MAP2K7: variants seen among roughly 807,000 people sequenced by gnomAD.
MAP2K7 encodes the protein dual specificity mitogen-activated protein kinase kinase 7.
MAP2K7 carries 12 observed loss-of-function variants against 47.7 expected under a neutral mutation model. That is an observed-to-expected ratio of 0.25 (90% CI 0.16 to 0.41). The LOEUF (loss-of-function observed/expected upper bound fraction) is 0.41, where lower values mean the gene tolerates loss of function less well. Among genes scored for constraint, MAP2K7 ranks in the 10% least tolerant of loss-of-function variants. The pLI is 1.00. For missense variants in MAP2K7, 415 were observed against 600.3 expected (o/e 0.69, Z 3.23); for synonymous variants, 299 against 243.0 (o/e 1.23, Z -2.14).
At chr19:7,907,719 T>C (rs1982557527) in intron 1 of MAP2K7, among the ~76,000 whole-genome samples, 1 of 152,164 alleles carries the variant, frequency 6.6e-6, no homozygotes, top group South Asian at 2.1e-4. Flanking sequence ...CCTGGTGGGC[T>C]CTGTCAGGGA....
rs1257090836 is a variant in MAP2K7 at position 7,910,663 on chromosome 19, A to G, written c.568-33A>G. The stretch of plus-strand genomic sequence containing the variant: ...GAGCCTCTGGGGGGTGGGCCGGAAG[A>G]CACAGCTCCCCCGGGTGCCCCTCTC... On this transcript the variant is annotated intron_variant, in intron 5 of 10. Transcript: ENST00000397979. 5.0e-6 allele frequency: 8 copies of G among 1,606,960 alleles called. No homozygotes were observed. In the South Asian group the frequency reaches 7.7e-5, roughly 15 times the overall value.
intron 1 of MAP2K7, among the ~76,000 whole-genome samples, chr19:7,908,978 T>G (rs1982636774): frequency 6.7e-6 from 1 of 148,688 alleles, no homozygotes; most frequent in African/African-American, 2.5e-5. Context: ...CGCTGTAGCA[T>G]GCCCGAGCTG....
intron 1 of MAP2K7, among the ~76,000 whole-genome samples, chr19:7,908,179 A>C (rs79636781): frequency 6.6e-6 from 1 of 151,290 alleles, no homozygotes; most frequent in African/African-American, 2.4e-5. Flanking sequence ...AAAAAAAAAA[A>C]CAGTGGGAGG....
Position 7,903,994 on chromosome 19 carries a change from T to C in MAP2K7, c.50T>C (p.Leu17Pro). The C allele has an allele frequency of 6.5e-7, 1 of 1,549,450 alleles. No homozygotes were observed. Among genetic ancestry groups the C allele is most frequent in the Non-Finnish European group, 8.7e-7 (1 of 1,148,038 alleles). ...AAGCTGTCCCGCCTGGAAGCAAAGC[T>C]GAAGCAGGAGAACCGGGAGGCCCGG... ...EQKLSRLEAK[L>P]KQENREARRR... The change falls in exon 1 of 11, where the codon CTG (leucine) becomes CCG (proline). Residue 17 changes from leucine to proline, a missense_variant. Transcript: ENST00000397979.
Position 7,910,578 on chromosome 19 carries a change from T to C in MAP2K7, c.567+6T>C, listed in dbSNP as rs766281969. ...TTGGGACGTTCATCACCAACGTGAG[T>C]ACCTGGCCGCGCCCTGCAGCGTCTC... is the stretch of plus-strand genomic sequence containing the variant. On this transcript the variant is annotated splice_donor_region_variant and intron_variant, in intron 5 of 10. Coordinates refer to ENST00000397979, the MANE Select transcript of MAP2K7 (RefSeq NM_145185.4). 1 of 1,613,512 alleles carries C rather than the reference T, an allele frequency of 6.2e-7. No individual in the cohort carries two copies. Among genetic ancestry groups the C allele is most frequent in the Non-Finnish European group, 8.5e-7 (1 of 1,179,960 alleles).
At position 7,912,390 on chromosome 19, in the gene MAP2K7, A is replaced by G; in HGVS notation, c.1219A>G (p.Ser407Gly). 6.2e-7 allele frequency: 1 copy of G among 1,612,870 alleles called. No individual in the cohort carries two copies. The highest frequency in any genetic ancestry group is 8.5e-7 in the Non-Finnish European group (1 of 1,179,960). ...GGCGAAGACTGAGTCACCGCGGACT[A>G]GCGGCGTCCTGAGCCAGCCCCACCT... Reference protein sequence around the residue: ...VMAKTESPRTSGVLSQPHLPF... With the variant: ...VMAKTESPRTGGVLSQPHLPF... The change falls in exon 11 of 11, where the codon AGC becomes GGC. Residue 407 changes from serine to glycine, a missense_variant. Transcript: ENST00000397979.
At position 7,910,293 on chromosome 19, in the gene MAP2K7, T is replaced by A. The variant is rs372177955; in HGVS notation, c.367T>A (p.Leu123Met). ...GGCAGAAATCAACGACCTGGAGAAC[T>A]TGGGCGAGATGGGCAGCGGCACCTG... ...YQAEINDLEN[L>M]GEMGSGTCGQ... is the part of the protein sequence containing the mutation. Residue 123 changes from leucine (L) to methionine (M), a missense_variant, in exon 4 of 11, where the codon TTG becomes ATG. Physicochemically the swap from Leu to Met is conservative, Grantham distance 15 (BLOSUM62 2). Transcript: ENST00000397979. The A allele has an allele frequency of 9.9e-6, 16 of 1,613,220 alleles. No homozygotes were observed. The African/African-American group carries it at 1.9e-4, about 19-fold the overall frequency.
intron 10 of MAP2K7, 41 bp from the exon 11 acceptor site, chr19:7,912,256 A>G (rs1490210771): frequency 6.2e-7 from 1 of 1,613,498 alleles, no homozygotes; most frequent in Non-Finnish European, 8.5e-7. Flanking sequence ...GCCAGGAGGG[A>G]AGACCGTCTC....
chr19:7,911,226 C>T lies in MAP2K7; in HGVS notation c.856-24C>T, dbSNP rs533685755. 36 of 1,594,698 alleles carry T rather than the reference C, an allele frequency of 2.3e-5. No individual in the cohort carries two copies. In the Admixed American group the frequency reaches 3.2e-4, roughly 14 times the overall value. ...GAGGCCGGCCCCAGCCTTGGAGATA[C>T]GTCTTCTCCTCCCCCCCCTGCAGCC... On this transcript the variant is annotated intron_variant, in intron 7 of 10. Coordinates refer to ENST00000397979, the MANE Select transcript of MAP2K7 (RefSeq NM_145185.4).
In MAP2K7 at chr19:7,910,813, C is replaced by T. The variant is rs773375346; in HGVS notation, c.675+10C>T. On this transcript the variant is annotated intron_variant, in intron 6 of 10. Coordinates refer to ENST00000397979, the MANE Select transcript of MAP2K7 (RefSeq NM_145185.4). ...CAAGATGACAGTGGCGGTGAGTGAC[C>T]AGGCGGGGCTTGCACTGGGCAGGAT... The T allele has an allele frequency of 6.3e-6, 10 of 1,584,230 alleles. No homozygotes were observed. Among genetic ancestry groups the T allele is most frequent in the Non-Finnish European group, 6.9e-6 (8 of 1,160,370 alleles).
chr19:7,911,205 C>T (rs773960205), intron 7 of MAP2K7, 45 bp from the exon 8 acceptor site: 1 of 1,607,214 alleles, frequency 6.2e-7, no homozygotes, highest in Non-Finnish European at 8.5e-7. Context: ...GGCTGGGAGG[C>T]CGGCCCCAGC....
intron 6 of MAP2K7, 87 bp from the exon 7 acceptor site, chr19:7,910,893 G>A (rs914461843): frequency 1.0e-5 from 16 of 1,585,044 alleles, no homozygotes; most frequent in South Asian, 6.7e-5. Context: ...TGACAGTGGC[G>A]GTGAGTGGCC....
chr19:7,912,469 C>A lies in MAP2K7; in HGVS notation c.*38C>A. On this transcript the variant is annotated 3_prime_UTR_variant, in exon 11 of 11. Transcript: ENST00000397979. ...GGCCAGCCCCACAGGGGGCCAGGGG[C>A]ATGGCCACAGGCCCCCCTCCCCACT... 6.3e-7 allele frequency: 1 copy of A among 1,582,106 alleles called. No homozygotes were observed. Among genetic ancestry groups the A allele is most frequent in the Non-Finnish European group, 8.6e-7 (1 of 1,169,298 alleles).
intron 1 of MAP2K7, 44 bp from the exon 2 acceptor site, chr19:7,909,711 T>C: frequency 7.5e-7 from 1 of 1,336,206 alleles, no homozygotes; most frequent in Non-Finnish European, 1.0e-6. Context: ...TGACACCAGC[T>C]GGGCGCTGAC....
At chr19:7,904,201 G>C (rs1056112478) in intron 1 of MAP2K7, 133 bp downstream of exon 1, 10 of 748,504 alleles carry the variant, frequency 1.3e-5, no homozygotes, top group Middle Eastern at 5.2e-4. Context: ...CCCCGCTGCG[G>C]GCTCGCGGGG....
At chr19:7,907,498 C>T (rs1267641825) in intron 1 of MAP2K7, among the ~76,000 whole-genome samples, 1 of 152,242 alleles carries the variant, frequency 6.6e-6, no homozygotes, top group Non-Finnish European at 1.5e-5. Flanking sequence ...CGCTCTCTCT[C>T]ATCCGTTCTC....
Position 7,912,470 on chromosome 19 carries a change from A to T in MAP2K7, c.*39A>T. Reference sequence around the variant, plus strand: ...GCCAGCCCCACAGGGGGCCAGGGGCATGGCCACAGGCCCCCCTCCCCACTT... The same window carrying T: ...GCCAGCCCCACAGGGGGCCAGGGGCTTGGCCACAGGCCCCCCTCCCCACTT... On this transcript the variant is annotated 3_prime_UTR_variant, in exon 11 of 11. Coordinates refer to ENST00000397979, the MANE Select transcript of MAP2K7 (RefSeq NM_145185.4). 1 of 1,580,540 alleles carries T rather than the reference A, an allele frequency of 6.3e-7. No homozygotes were observed. The highest frequency in any genetic ancestry group is 1.1e-5 in the South Asian group (1 of 88,398).
chr19:7,911,883 CAG>C (rs987484231), intron 9 of MAP2K7, among the ~76,000 whole-genome samples: 5 of 152,310 alleles, frequency 3.3e-5, no homozygotes, highest in East Asian at 1.9e-4. Context: ...TCGATTCTCT[CAG>C]GGGAGCCCCA....
chr19:7,910,206 C>A, intron 3 of MAP2K7, 54 bp from the exon 4 acceptor site: 1 of 1,601,982 alleles, frequency 6.2e-7, no homozygotes, highest in Middle Eastern at 1.7e-4. Context: ...CAGTGGGGGG[C>A]AGGGGGCGGT....
Sources: allele counts gnomAD v4.1 joint callset (sites outside exome capture counted in the v4.1 genomes callset), GRCh38; gene constraint gnomAD v4.1.1; transcripts MANE v1.5; gene names NCBI Gene and HGNC (gene_info 2026-07-23, HGNC 2026-07-21).